Variants in PUDP observed in about 807,000 individuals in gnomAD.
The protein encoded by PUDP is pseudouridine 5'-phosphatase.
PUDP carries 8 observed loss-of-function variants against 9.4 expected under a neutral mutation model. The observed-to-expected ratio is 0.85, with a 90% CI of 0.50 to 1.53. The LOEUF (loss-of-function observed/expected upper bound fraction) is 1.53. Among genes scored for constraint, PUDP ranks in the 40% most tolerant of loss-of-function variants. The probability of loss-of-function intolerance (pLI) is 0.00; values close to 1 mark genes in which losing one functional copy is unlikely to be tolerated. For synonymous variants in PUDP, 99 were observed against 80.7 expected (o/e 1.23, Z -1.22); for missense variants, 188 against 189.7 (o/e 0.99, Z 0.05).
intron 2 of PUDP, among the ~76,000 whole-genome samples, chrX:7,100,627 T>C (rs1421500598): frequency 1.8e-5 from 2 of 111,967 alleles, no homozygotes; most frequent in African/African-American, 6.5e-5. Flanking sequence ...CAAGTTTCTC[T>C]GAATCTAGTC....
At chrX:7,122,171 T>C (rs1932359386) in intron 1 of PUDP, among the ~76,000 whole-genome samples, 1 of 108,950 alleles carries the variant, frequency 9.2e-6, no homozygotes, top group Admixed American at 9.8e-5. Flanking sequence ...CTATCTAGCC[T>C]GTGCAACAGA....
chrX:6,949,430 C>T (rs1039693525), intron 3 of PUDP, among the ~76,000 whole-genome samples: 1 of 110,756 alleles, frequency 9.0e-6, no homozygotes, highest in Non-Finnish European at 1.9e-5. Flanking sequence ...AAGCACAGCC[C>T]TTAAACCCAT....
At chrX:7,057,324 G>A (rs1229181996) in intron 3 of PUDP, among the ~76,000 whole-genome samples, 1 of 110,845 alleles carries the variant, frequency 9.0e-6, no homozygotes, top group Non-Finnish European at 1.9e-5. Context: ...ATTTCCCATA[G>A]GTCTGGGGCC....
At chrX:7,119,495 G>A (rs1373727645) in intron 1 of PUDP, among the ~76,000 whole-genome samples, 2 of 112,636 alleles carry the variant, frequency 1.8e-5, no homozygotes, top group African/African-American at 6.4e-5. Flanking sequence ...CAAATGAGAA[G>A]CTTGCTCTAG....
intron 3 of PUDP, among the ~76,000 whole-genome samples, chrX:6,825,270 C>T (rs1926406851): frequency 9.0e-6 from 1 of 111,615 alleles, no homozygotes; most frequent in South Asian, 3.8e-4. Flanking sequence ...TCAGACCTTG[C>T]CAATGACAGA....
At chrX:7,028,113 CAAT>C (rs1177577692) in intron 1 of PUDP, among the ~76,000 whole-genome samples, 25 of 106,102 alleles carry the variant, frequency 2.4e-4, no homozygotes, top group African/African-American at 6.4e-4. Context: ...TACAGATAGA[CAAT>C]ATTATCATTC....
intron 3 of PUDP, among the ~76,000 whole-genome samples, chrX:6,759,186 G>C (rs1035503378): frequency 1.8e-5 from 2 of 112,117 alleles, no homozygotes; most frequent in African/African-American, 6.5e-5. Flanking sequence ...CTGTTCCCTT[G>C]TTTTCCTGGG....
At position 6,871,305 on chromosome X, in the gene PUDP, C is replaced by T. The variant is rs1382995014; in HGVS notation, c.*247+105828G>A. On this transcript the variant is annotated intron_variant and NMD_transcript_variant, in intron 3 of 3. Coordinates refer to the PUDP transcript ENST00000655425. ...GGGGTTTCTCCTCTGAGCCCTCCAT[C>T]AATAAATCACTGGCCCATGAGTCCT... Among the ~76,000 whole-genome samples, 4 of 111,604 alleles carry T rather than the reference C, an allele frequency of 3.6e-5. No homozygotes were observed. In the Admixed American group the frequency reaches 3.8e-4, roughly 11 times the overall value.
At chrX:7,062,439 C>T (rs1234501709) in intron 3 of PUDP, among the ~76,000 whole-genome samples, 1 of 111,706 alleles carries the variant, frequency 9.0e-6, no homozygotes, top group Non-Finnish European at 1.9e-5. Flanking sequence ...CAGGCATAAT[C>T]GCACATGATG....
At chrX:6,955,822 A>T (rs1045313551) in intron 3 of PUDP, among the ~76,000 whole-genome samples, 1 of 109,437 alleles carries the variant, frequency 9.1e-6, no homozygotes, top group African/African-American at 3.3e-5. Flanking sequence ...CATTAATTAA[A>T]CTACACATAG....
intron 3 of PUDP, among the ~76,000 whole-genome samples, chrX:6,758,592 T>C (rs773567838): frequency 1.8e-5 from 2 of 111,736 alleles, no homozygotes; most frequent in Non-Finnish European, 1.9e-5. Context: ...GGCTGTGTGA[T>C]TATGAGACAA....
intron 3 of PUDP, chrX:7,057,698 G>A: frequency 5.2e-6 from 6 of 1,153,155 alleles, no homozygotes; most frequent in Non-Finnish European, 6.9e-6. Flanking sequence ...CTGTGAGCTG[G>A]AGGTGCGGTC....
chrX:7,019,816 C>T (rs922826019), intron 1 of PUDP, among the ~76,000 whole-genome samples: 19 of 111,583 alleles, frequency 1.7e-4, no homozygotes, highest in Non-Finnish European at 2.8e-4. Context: ...GATTTTTCTC[C>T]AACTAATTTT....
intron 3 of PUDP, among the ~76,000 whole-genome samples, chrX:6,751,010 T>C (rs775104596): frequency 1.2e-3 from 134 of 109,417 alleles, no homozygotes; most frequent in Admixed American, 4.7e-3. Flanking sequence ...GGTGTGGTGG[T>C]GGGCGCCTGT....
chrX:7,026,633 A>G (rs1056493253), intron 1 of PUDP, among the ~76,000 whole-genome samples: 1 of 110,011 alleles, frequency 9.1e-6, no homozygotes, highest in Non-Finnish European at 1.9e-5. Flanking sequence ...CCCTCCTACC[A>G]CCTGTGAACA....
chrX:6,708,146 C>T (rs753274528), intron 1 of PUDP, among the ~76,000 whole-genome samples: 78 of 111,783 alleles, frequency 7.0e-4, no homozygotes, highest in African/African-American at 2.4e-3. Context: ...AGGAGAGATG[C>T]CCTAAAGAAA....
chrX:6,837,772 C>T (rs1926605298), intron 3 of PUDP, among the ~76,000 whole-genome samples: 1 of 111,208 alleles, frequency 9.0e-6, no homozygotes, highest in Admixed American at 9.6e-5. Flanking sequence ...GAAAATGCCC[C>T]AGCCCTTTCT....
intron 3 of PUDP, among the ~76,000 whole-genome samples, chrX:6,964,026 C>T (rs1039049526): frequency 3.6e-5 from 4 of 112,029 alleles, no homozygotes; most frequent in Non-Finnish European, 5.6e-5. Flanking sequence ...TGCATTAGCA[C>T]GCCTATTCAG....
chrX:6,857,732 C>T (rs1926928546), intron 3 of PUDP, among the ~76,000 whole-genome samples: 1 of 112,013 alleles, frequency 8.9e-6, no homozygotes, highest in African/African-American at 3.2e-5. Flanking sequence ...CCCTCTGTGC[C>T]AGCAAATGGT....
Sources: gnomAD v4.1 joint callset for allele counts (sites outside exome capture counted in the v4.1 genomes callset) on GRCh38, gnomAD v4.1.1 for gene constraint, MANE v1.5 for transcripts, NCBI Gene and HGNC (gene_info 2026-07-23, HGNC 2026-07-21) for gene names.